LZTS1: variants seen among roughly 807,000 people sequenced by gnomAD.
LZTS1 encodes leucine zipper tumor suppressor 1.
Under a neutral mutation model 45.8 loss-of-function variants are expected in LZTS1, and 31 were observed. The ratio of observed to expected loss-of-function variants is 0.68; its 90% CI spans 0.51 to 0.91. LZTS1 has a LOEUF of 0.91. LZTS1 is among the 40% of genes least tolerant of loss of function. LZTS1 has a pLI of 0.00. For synonymous variants in LZTS1, 359 were observed against 357.3 expected (o/e 1.00, Z -0.05); for missense variants, 821 against 788.9 (o/e 1.04, Z -0.49).
chr8:20,260,830 G>T (rs1800213101), intron 1 of LZTS1, among the ~76,000 whole-genome samples: 1 of 152,136 alleles, frequency 6.6e-6, no homozygotes, highest in Non-Finnish European at 1.5e-5. Flanking sequence ...CTATCCCTTA[G>T]CCCCGATACC....
intron 3 of LZTS1, among the ~76,000 whole-genome samples, chr8:20,250,838 C>A (rs1158655684): frequency 6.6e-6 from 1 of 151,868 alleles, no homozygotes; most frequent in African/African-American, 2.4e-5. Context: ...ACCTCAAGTG[C>A]TCTGCCTGCC....
intron 1 of LZTS1, among the ~76,000 whole-genome samples, chr8:20,260,868 C>T (rs1270342153): frequency 1.3e-5 from 2 of 152,178 alleles, no homozygotes. Flanking sequence ...GGTCTTGACA[C>T]ACAGAGGAGC....
intron 1 of LZTS1, among the ~76,000 whole-genome samples, chr8:20,272,728 T>C (rs937670827): frequency 5.9e-5 from 9 of 152,182 alleles, no homozygotes; most frequent in African/African-American, 1.7e-4. Context: ...AAACCTGCAA[T>C]TGACATGACT....
At chr8:20,281,578 A>T (rs1800694605) in intron 1 of LZTS1, among the ~76,000 whole-genome samples, 1 of 152,150 alleles carries the variant, frequency 6.6e-6, no homozygotes, top group African/African-American at 2.4e-5. Context: ...TCTCAAAAAA[A>T]AAAGAATGGC....
At chr8:20,268,371 C>A (rs1015668436) in intron 1 of LZTS1, among the ~76,000 whole-genome samples, 2 of 151,880 alleles carry the variant, frequency 1.3e-5, no homozygotes, top group Admixed American at 1.3e-4. Flanking sequence ...GTGCCCAGGG[C>A]TAATTGACTC....
At chr8:20,299,877 A>C (rs953992013) in intron 1 of LZTS1, among the ~76,000 whole-genome samples, 6 of 152,220 alleles carry the variant, frequency 3.9e-5, no homozygotes, top group Non-Finnish European at 8.8e-5. Flanking sequence ...CTAATATGTA[A>C]ATCACCTCAA....
Position 20,255,047 on chromosome 8 carries a change from G to A in LZTS1, c.135C>T (p.Gly45=). The A allele has an allele frequency of 6.2e-7, 1 of 1,614,226 alleles. No individual in the cohort carries two copies. Among genetic ancestry groups the A allele is most frequent in the Non-Finnish European group, 8.5e-7 (1 of 1,180,046 alleles). The part of the protein sequence containing the change: ...NRYSDGLLRF[G]FSQDSGHGKS... ...TGCCGTGACCGGAGTCCTGGGAGAA[G>A]CCAAACCTCAGCAGCCCGTCGGAAT... Residue 45 remains glycine, a synonymous_variant, in exon 2 of 4, where the codon GGC becomes GGT. Coordinates refer to ENST00000381569, the MANE Select transcript of LZTS1 (RefSeq NM_021020.5).
In LZTS1 at chr8:20,252,967, G is replaced by T; in HGVS notation, c.964C>A (p.Gln322Lys). Residue 322 changes from glutamine to lysine, a missense_variant, in exon 3 of 4, where the codon CAG (glutamine) becomes AAG (lysine). Coordinates refer to ENST00000381569, the MANE Select transcript of LZTS1 (RefSeq NM_021020.5). Reference protein sequence around the residue: ...KGGNKLKQASQKSQRAQQVLH... With the variant: ...KGGNKLKQASKKSQRAQQVLH... ...ACCTGCTGCGCGCGCTGGCTCTTCT[G>T]CGAGGCCTGCTTGAGCTTGTTGCCG... The T allele has an allele frequency of 6.3e-7, 1 of 1,588,712 alleles. No homozygotes were observed. The highest frequency in any genetic ancestry group is 8.6e-7 in the Non-Finnish European group (1 of 1,167,898).
At chr8:20,299,233 G>T (rs920272321) in intron 1 of LZTS1, among the ~76,000 whole-genome samples, 1 of 152,194 alleles carries the variant, frequency 6.6e-6, no homozygotes, top group African/African-American at 2.4e-5. Flanking sequence ...GCATCTTGGA[G>T]CCATGAACTT....
intron 1 of LZTS1, among the ~76,000 whole-genome samples, chr8:20,285,560 T>C (rs1220854929): frequency 1.3e-5 from 2 of 152,250 alleles, no homozygotes; most frequent in East Asian, 1.9e-4. Flanking sequence ...TAACGTATTA[T>C]TGTGATGAAT....
intron 2 of LZTS1, among the ~76,000 whole-genome samples, chr8:20,254,603 T>C (rs1270578840): frequency 6.6e-6 from 1 of 152,236 alleles, no homozygotes; most frequent in African/African-American, 2.4e-5. Context: ...TCTTTGCTTA[T>C]GGCCTGACCC....
intron 1 of LZTS1, among the ~76,000 whole-genome samples, chr8:20,280,948 G>A (rs1800679604): frequency 6.6e-6 from 1 of 152,198 alleles, no homozygotes; most frequent in Non-Finnish European, 1.5e-5. Context: ...CTAGGCTGAT[G>A]ATCTGCAGCT....
At chr8:20,256,384 T>C (rs1437515163) in intron 1 of LZTS1, among the ~76,000 whole-genome samples, 1 of 152,192 alleles carries the variant, frequency 6.6e-6, no homozygotes, top group Admixed American at 6.5e-5. Context: ...CACCTTGATC[T>C]GCCTTAGGTT....
rs1801122849 is a variant in LZTS1 at position 20,303,730 on chromosome 8, C to A, written c.-135+10G>T. ...CAGGGGCGAGGAGATCCCCGGCCAC[C>A]GCACCTTACCTGCCCCCTGCGCCTC... On this transcript the variant is annotated intron_variant, in intron 1 of 3. Coordinates refer to ENST00000381569, the MANE Select transcript of LZTS1 (RefSeq NM_021020.5). 3 of 985,356 alleles carry A rather than the reference C, an allele frequency of 3.0e-6. No homozygotes were observed. Among genetic ancestry groups the A allele is most frequent in the Non-Finnish European group, 3.6e-6 (3 of 830,028 alleles). The allele number at this position is 985,356 out of a possible 1,614,324, so 61.0% of individuals were successfully genotyped here.
In LZTS1 at chr8:20,256,997, C is replaced by T. The variant is rs537224009; in HGVS notation, c.-134-1682G>A. Among the ~76,000 whole-genome samples, 60 of 152,212 alleles carry T rather than the reference C, an allele frequency of 3.9e-4. 1 individual carries two copies. In the South Asian group the frequency reaches 9.6e-3, roughly 24 times the overall value. Reference sequence around the variant, plus strand: ...GAAAAAGAGCAGCAGAGAAGGTTTTCAGGGTGATGTCGATATAGAAGACCT... The same window carrying T: ...GAAAAAGAGCAGCAGAGAAGGTTTTTAGGGTGATGTCGATATAGAAGACCT... On this transcript the variant is annotated intron_variant, in intron 1 of 3. Transcript: ENST00000381569.
chr8:20,285,801 A>T (rs1445716664), intron 1 of LZTS1, among the ~76,000 whole-genome samples: 1 of 152,230 alleles, frequency 6.6e-6, no homozygotes, highest in Non-Finnish European at 1.5e-5. Context: ...GGTAACTAAA[A>T]CAATGTGGTA....
intron 1 of LZTS1, among the ~76,000 whole-genome samples, chr8:20,285,300 G>A (rs2128897958): frequency 6.6e-6 from 1 of 152,238 alleles, no homozygotes; most frequent in East Asian, 1.9e-4. Flanking sequence ...TTAGGACTGA[G>A]CCTGCCACCC....
Position 20,265,268 on chromosome 8 carries a change from C to A in LZTS1, c.-134-9953G>T, listed in dbSNP as rs186241409. 8.2e-4 allele frequency among the ~76,000 whole-genome samples: 125 copies of A among 152,288 alleles called. 1 individual carries two copies. The highest frequency in any genetic ancestry group is 2.9e-3 in the African/African-American group (121 of 41,548). On this transcript the variant is annotated intron_variant, in intron 1 of 3. Coordinates refer to ENST00000381569, the MANE Select transcript of LZTS1 (RefSeq NM_021020.5). ...TCAGTTCCATCTGTGCAACCTGGAG[C>A]ACTTCACACTCACTATTATTCATTC...
intron 1 of LZTS1, among the ~76,000 whole-genome samples, chr8:20,280,597 G>A (rs1800669881): frequency 1.3e-5 from 2 of 152,198 alleles, no homozygotes; most frequent in African/African-American, 4.8e-5. Context: ...ATGTGGAACT[G>A]CCTTCCCCTT....
Sources: allele counts gnomAD v4.1 joint callset (sites outside exome capture counted in the v4.1 genomes callset), GRCh38; gene constraint gnomAD v4.1.1; transcripts MANE v1.5; gene names NCBI Gene and HGNC (gene_info 2026-07-23, HGNC 2026-07-21).